Variants in SLC22A23 observed in about 807,000 individuals in gnomAD.
SLC22A23 encodes solute carrier family 22 member 23, also known as ion transporter protein.
A neutral mutation model predicts 61.0 loss-of-function variants in SLC22A23; 26 were observed. The observed-to-expected ratio is 0.43, with a 90% CI of 0.31 to 0.59. The LOEUF is 0.59. Ranked by LOEUF, SLC22A23 falls within the 20% of genes least tolerant of loss-of-function variation. The probability of loss-of-function intolerance (pLI) is 0.11; values close to 1 mark genes in which losing one functional copy is unlikely to be tolerated. For synonymous variants in SLC22A23, 430 were observed against 413.9 expected (o/e 1.04, Z -0.47); for missense variants, 796 against 934.7 (o/e 0.85, Z 1.94).
intron 1 of SLC22A23, among the ~76,000 whole-genome samples, chr6:3,447,892 TCTC>T (rs1234717091): frequency 6.5e-4 from 28 of 43,284 alleles, no homozygotes; most frequent in African/African-American, 2.6e-3. Context: ...CTGGCCTCTC[TCTC>T]TCTTTTTTTT....
At chr6:3,419,003 C>A (rs1581857385) in intron 1 of SLC22A23, among the ~76,000 whole-genome samples, 1 of 152,200 alleles carries the variant, frequency 6.6e-6, no homozygotes, top group Non-Finnish European at 1.5e-5. Context: ...GCTTTGAGGT[C>A]ACCTGGCTCT....
In SLC22A23 at chr6:3,444,779, C is replaced by T. The variant is rs191756983; in HGVS notation, c.654+11127G>A. 52 of 984,700 alleles carry T rather than the reference C, an allele frequency of 5.3e-5. No homozygotes were observed. In the East Asian group the frequency reaches 4.8e-3, roughly 91 times the overall value. The allele number at this position is 984,700 out of a possible 1,614,324, so 61.0% of individuals were successfully genotyped here. On this transcript the variant is annotated intron_variant, in intron 1 of 9. Coordinates refer to ENST00000406686, the MANE Select transcript of SLC22A23 (RefSeq NM_015482.2). ...AGGGTGCTTTTTGGTGGGGCTCCTC[C>T]CATCACCCTGGATGCAGGCTTCCTG...
chr6:3,452,405 C>T (rs1772192827), intron 1 of SLC22A23, among the ~76,000 whole-genome samples: 1 of 151,726 alleles, frequency 6.6e-6, no homozygotes. Context: ...CCAGCCTGGG[C>T]AATATAGCAA....
intron 3 of SLC22A23, among the ~76,000 whole-genome samples, chr6:3,405,026 C>T (rs913305262): frequency 1.8e-4 from 27 of 151,826 alleles, no homozygotes; most frequent in Admixed American, 1.3e-3. Context: ...TTTGGGAGGC[C>T]GAGGCGGGCG....
chr6:3,391,604 C>A (rs1184426493), intron 3 of SLC22A23, among the ~76,000 whole-genome samples: 1 of 152,170 alleles, frequency 6.6e-6, no homozygotes, highest in Non-Finnish European at 1.5e-5. Context: ...GGTGCAAATC[C>A]AAGCACTGGA....
intron 3 of SLC22A23, among the ~76,000 whole-genome samples, chr6:3,384,633 A>T (rs1224206534): frequency 6.6e-6 from 1 of 152,218 alleles, no homozygotes; most frequent in African/African-American, 2.4e-5. Context: ...TGTCAATAAA[A>T]ACTTTTATTC....
At chr6:3,378,202 A>T (rs1014091039) in intron 3 of SLC22A23, among the ~76,000 whole-genome samples, 2 of 152,174 alleles carry the variant, frequency 1.3e-5, no homozygotes, top group African/African-American at 4.8e-5. Context: ...GCTGACCTGG[A>T]AGCCTTTGGT....
Position 3,328,268 on chromosome 6 carries a change from A to G in SLC22A23, c.914-4266T>C, listed in dbSNP as rs1018724865. 1.3e-5 allele frequency among the ~76,000 whole-genome samples: 2 copies of G among 152,064 alleles called. No homozygotes were observed. The highest frequency in any genetic ancestry group is 1.3e-4 in the Admixed American group (2 of 15,252). ...TTTGTTTAGTGAATCAACAGGGACC[A>G]TGACTAAGTCTGAGCACAGAGGCCG... is the stretch of plus-strand genomic sequence containing the variant. On this transcript the variant is annotated intron_variant, in intron 3 of 9. Transcript: ENST00000406686. The surrounding 1 kb of genome is among the most constrained non-coding windows in gnomAD (Gnocchi z 5.0).
At position 3,397,254 on chromosome 6, in the gene SLC22A23, T is replaced by G. The variant is rs144873575; in HGVS notation, c.913+12934A>C. 6.2e-3 allele frequency among the ~76,000 whole-genome samples: 947 copies of G among 152,318 alleles called. 11 individuals are homozygous for G. Among genetic ancestry groups the G allele is most frequent in the African/African-American group, 0.021 (878 of 41,570 alleles). On this transcript the variant is annotated intron_variant, in intron 3 of 9. Coordinates refer to ENST00000406686, the MANE Select transcript of SLC22A23 (RefSeq NM_015482.2). ...CTCAGATTTCTGTTTATGAAATGAGTGCTCATATCACAGAATTACTGGGTG... is the reference window on the plus strand; with the variant it reads ...CTCAGATTTCTGTTTATGAAATGAGGGCTCATATCACAGAATTACTGGGTG...
At chr6:3,293,476 G>A (rs376971499) in intron 5 of SLC22A23, among the ~76,000 whole-genome samples, 5 of 152,348 alleles carry the variant, frequency 3.3e-5, no homozygotes, top group East Asian at 3.9e-4. Context: ...GAAAGCAAGT[G>A]GAAGATAAGC....
chr6:3,296,011 G>A (rs1209734766), intron 5 of SLC22A23, among the ~76,000 whole-genome samples: 1 of 152,200 alleles, frequency 6.6e-6, no homozygotes, highest in Non-Finnish European at 1.5e-5. Context: ...CCAAATATAG[G>A]AGGGAAATGA....
rs1403045616 is a variant in SLC22A23, at chr6:3,390,900, T to C, written c.913+19288A>G. ...CGCACCCAGAGATCTGAGGGAACCA[T>C]GACACTTACTGTTGATGTTGGCGCC... On this transcript the variant is annotated intron_variant, in intron 3 of 9. Transcript: ENST00000406686. The surrounding 1 kb of genome is among the most constrained non-coding windows in gnomAD (Gnocchi z 4.0). 1.3e-5 allele frequency among the ~76,000 whole-genome samples: 2 copies of C among 152,220 alleles called. No individual in the cohort carries two copies. The highest frequency in any genetic ancestry group is 2.9e-5 in the Non-Finnish European group (2 of 68,032).
At chr6:3,424,219 C>A (rs1478414699) in intron 1 of SLC22A23, among the ~76,000 whole-genome samples, 1 of 152,216 alleles carries the variant, frequency 6.6e-6, no homozygotes, top group Non-Finnish European at 1.5e-5. Flanking sequence ...AAAGTGCTCA[C>A]AGCTCCCCAG....
intron 4 of SLC22A23, among the ~76,000 whole-genome samples, chr6:3,311,208 G>T (rs974617573): frequency 1.3e-5 from 2 of 152,216 alleles, no homozygotes; most frequent in Non-Finnish European, 2.9e-5. Context: ...CCATCAAAGA[G>T]TGGGGGACAC....
intron 4 of SLC22A23, chr6:3,313,503 C>T (rs1020753934): frequency 6.6e-6 from 1 of 152,188 alleles, no homozygotes; most frequent in Non-Finnish European, 1.5e-5. Context: ...AGCATTTTCC[C>T]GCATGCTTAA....
At chr6:3,282,177 A>G in intron 9 of SLC22A23, 1 of 702,394 alleles carries the variant, frequency 1.4e-6, no homozygotes, top group Admixed American at 2.0e-5. Context: ...GTCTATTGAA[A>G]GACTTGGCTT....
At chr6:3,437,391 T>C (rs968441461) in intron 1 of SLC22A23, among the ~76,000 whole-genome samples, 2 of 151,808 alleles carry the variant, frequency 1.3e-5, no homozygotes, top group Non-Finnish European at 2.9e-5. Context: ...TAAAATGAAA[T>C]AATAGGCCAG....
At chr6:3,287,465 G>T (rs536702324) in intron 6 of SLC22A23, among the ~76,000 whole-genome samples, 1 of 149,984 alleles carries the variant, frequency 6.7e-6, no homozygotes, top group Non-Finnish European at 1.5e-5. Context: ...AACAGCCACT[G>T]CACACCCACT....
chr6:3,442,785 A>G (rs1354015079), intron 1 of SLC22A23, among the ~76,000 whole-genome samples: 1 of 151,984 alleles, frequency 6.6e-6, no homozygotes, highest in Admixed American at 6.5e-5. Flanking sequence ...ATTAAATTAC[A>G]TAAAGGATTG....
Sources: allele counts gnomAD v4.1 joint callset (sites outside exome capture counted in the v4.1 genomes callset), GRCh38; gene constraint gnomAD v4.1.1; non-coding constraint Gnocchi (gnomAD v3.1); transcripts MANE v1.5; gene names NCBI Gene and HGNC (gene_info 2026-07-23, HGNC 2026-07-21).